MSH3: variants seen among roughly 807,000 people sequenced by gnomAD.
MSH3 encodes DNA mismatch repair protein Msh3.
Under a neutral mutation model 123.3 loss-of-function variants are expected in MSH3, and 106 were observed. The observed-to-expected ratio is 0.86, with a 90% CI of 0.73 to 1.01. The LOEUF (loss-of-function observed/expected upper bound fraction) is 1.01. Ranked by LOEUF, MSH3 falls within the 50% of genes least tolerant of loss-of-function variation. The pLI is 0.00. For synonymous variants in MSH3, 515 were observed against 481.4 expected, an observed-to-expected ratio of 1.07 and a Z score of -0.91; for missense variants, 1,459 against 1,347.6, an observed-to-expected ratio of 1.08 and a Z score of -1.29.
chr5:80,776,020 G>T (rs1418629733), intron 16 of MSH3, among the ~76,000 whole-genome samples: 2 of 152,010 alleles, frequency 1.3e-5, no homozygotes, highest in Admixed American at 1.3e-4. Context: ...CTCCCGAGTA[G>T]CTGGGACCAC....
chr5:80,662,051 G>A (rs1284813176), intron 2 of MSH3, among the ~76,000 whole-genome samples: 1 of 152,170 alleles, frequency 6.6e-6, no homozygotes, highest in Non-Finnish European at 1.5e-5. Flanking sequence ...GCTACCTAAT[G>A]ACAGTCAGTG....
chr5:80,709,390 A>G (rs1750795783), intron 8 of MSH3, among the ~76,000 whole-genome samples: 3 of 152,328 alleles, frequency 2.0e-5, no homozygotes, highest in African/African-American at 2.4e-5. Flanking sequence ...TGGGAGGCCA[A>G]GGTGGGCGGA....
intron 21 of MSH3, among the ~76,000 whole-genome samples, chr5:80,863,289 T>C (rs1361570963): frequency 4.6e-5 from 7 of 152,200 alleles, no homozygotes; most frequent in African/African-American, 1.7e-4. Context: ...CAGGAGGTCC[T>C]GAGAACATGC....
At chr5:80,774,693 A>G (rs1323195415) in intron 15 of MSH3, among the ~76,000 whole-genome samples, 1 of 152,210 alleles carries the variant, frequency 6.6e-6, no homozygotes, top group Non-Finnish European at 1.5e-5. Flanking sequence ...CATTATGTTA[A>G]GGGAAATAAG....
At chr5:80,776,506 A>G (rs1721156084) in intron 16 of MSH3, among the ~76,000 whole-genome samples, 1 of 152,118 alleles carries the variant, frequency 6.6e-6, no homozygotes, top group Non-Finnish European at 1.5e-5. Context: ...CATAATTATT[A>G]TAATTCTTTA....
In MSH3 at chr5:80,728,858, A is replaced by C. The variant is rs138404237; in HGVS notation, c.1461A>C (p.Gln487His). The change falls in exon 10 of 24, where the codon CAA (glutamine) becomes CAC (histidine). Residue 487 changes from glutamine to histidine, a missense_variant. Transcript: ENST00000265081. ...AKDTVDIKGS[Q>H]IISGIVNLEK... is the part of the protein sequence containing the mutation. Reference sequence around the variant, plus strand: ...ATATATTCTGTTTTCTAGGTTCTCAAATTATTTCTGGCATTGTTAACTTAG... The same window carrying C: ...ATATATTCTGTTTTCTAGGTTCTCACATTATTTCTGGCATTGTTAACTTAG... The C allele has an allele frequency of 3.2e-6, 5 of 1,578,948 alleles. No homozygotes were observed. The highest frequency in any genetic ancestry group is 4.4e-6 in the Non-Finnish European group (5 of 1,148,916).
intron 20 of MSH3, among the ~76,000 whole-genome samples, chr5:80,837,649 T>A (rs1303251082): frequency 1.3e-5 from 2 of 152,204 alleles, no homozygotes; most frequent in Non-Finnish European, 2.9e-5. Context: ...AAGAAAATGC[T>A]GAATTCTCAT....
intron 20 of MSH3, among the ~76,000 whole-genome samples, chr5:80,842,582 G>A (rs945281262): frequency 2.4e-4 from 36 of 152,074 alleles, no homozygotes; most frequent in African/African-American, 6.5e-4. Flanking sequence ...CTTTTATTTC[G>A]TTGAGCAGCG....
chr5:80,729,274 G>A (rs1352427606), intron 10 of MSH3, among the ~76,000 whole-genome samples: 1 of 151,756 alleles, frequency 6.6e-6, no homozygotes, highest in Non-Finnish European at 1.5e-5. Flanking sequence ...AATTAGCCGG[G>A]CGTGGTGGTG....
intron 8 of MSH3, among the ~76,000 whole-genome samples, chr5:80,717,462 A>G (rs1394507430): frequency 4.6e-5 from 7 of 151,908 alleles, no homozygotes; most frequent in African/African-American, 1.2e-4. Flanking sequence ...GAGACAGGCT[A>G]TGTTGCCTAG....
At chr5:80,715,953 C>A (rs752239609) in intron 8 of MSH3, among the ~76,000 whole-genome samples, 1 of 152,090 alleles carries the variant, frequency 6.6e-6, no homozygotes. Flanking sequence ...TTTTCCTGAT[C>A]ACAGAAATGG....
At chr5:80,689,072 A>G (rs1398651508) in intron 8 of MSH3, among the ~76,000 whole-genome samples, 1 of 152,216 alleles carries the variant, frequency 6.6e-6, no homozygotes, top group African/African-American at 2.4e-5. Flanking sequence ...AGGGCATTCC[A>G]GGAAGTGTGG....
At chr5:80,860,478 T>C (rs1369379338) in intron 21 of MSH3, among the ~76,000 whole-genome samples, 1 of 151,132 alleles carries the variant, frequency 6.6e-6, no homozygotes, top group Non-Finnish European at 1.5e-5. Context: ...ACTTTAGATA[T>C]TTTACTCCAC....
intron 10 of MSH3, among the ~76,000 whole-genome samples, chr5:80,740,719 T>C (rs1743597676): frequency 6.6e-6 from 1 of 150,690 alleles, no homozygotes; most frequent in Admixed American, 6.6e-5. Context: ...GAATCTTTTT[T>C]TTTTTTTTTT....
At chr5:80,688,325 T>C (rs1750139953) in intron 8 of MSH3, among the ~76,000 whole-genome samples, 1 of 152,240 alleles carries the variant, frequency 6.6e-6, no homozygotes, top group Non-Finnish European at 1.5e-5. Context: ...TATGTTTACT[T>C]TCAGTGTTAG....
chr5:80,865,504 G>A (rs1746083947), intron 22 of MSH3, among the ~76,000 whole-genome samples: 1 of 152,060 alleles, frequency 6.6e-6, no homozygotes, highest in Non-Finnish European at 1.5e-5. Flanking sequence ...GTTCTCTTCT[G>A]TTCCCCTCTG....
chr5:80,849,314 A>G lies in MSH3; in HGVS notation c.2814-4816A>G, dbSNP rs183353887. Among the ~76,000 whole-genome samples the G allele has an allele frequency of 3.4e-3, 515 of 152,128 alleles. 1 individual carries two copies. Among genetic ancestry groups the G allele is most frequent in the African/African-American group, 0.012 (488 of 41,490 alleles). Reference sequence around the variant, plus strand: ...GGCATATGGTGCAAGCTCTAGGTGGATCTACCATTCTGGGGTCTGGAGGAC... The same window carrying G: ...GGCATATGGTGCAAGCTCTAGGTGGGTCTACCATTCTGGGGTCTGGAGGAC... On this transcript the variant is annotated intron_variant, in intron 20 of 23. Transcript: ENST00000265081.
chr5:80,851,314 C>T (rs1156937060), intron 20 of MSH3, among the ~76,000 whole-genome samples: 1 of 152,118 alleles, frequency 6.6e-6, no homozygotes, highest in Non-Finnish European at 1.5e-5. Flanking sequence ...CATAAAAATA[C>T]CCTTTCCCCG....
At chr5:80,689,547 C>G (rs1378828010) in intron 8 of MSH3, among the ~76,000 whole-genome samples, 1 of 151,790 alleles carries the variant, frequency 6.6e-6, no homozygotes, top group East Asian at 1.9e-4. Context: ...GGTTTTATAC[C>G]TATTTTAACA....
Sources: gnomAD v4.1 joint callset for allele counts (sites outside exome capture counted in the v4.1 genomes callset) on GRCh38, gnomAD v4.1.1 for gene constraint, MANE v1.5 for transcripts, NCBI Gene and HGNC (gene_info 2026-07-23, HGNC 2026-07-21) for gene names.